ZC3H12B: variants seen among roughly 807,000 people sequenced by gnomAD.
ZC3H12B encodes zinc finger CCCH-type containing 12B.
A neutral mutation model predicts 43.9 loss-of-function variants in ZC3H12B; 7 were observed. The ratio of observed to expected loss-of-function variants is 0.16; its 90% CI spans 0.09 to 0.30. The LOEUF (loss-of-function observed/expected upper bound fraction) is 0.30. Among genes scored for constraint, ZC3H12B ranks in the 10% least tolerant of loss-of-function variants. The pLI is 1.00. For synonymous variants in ZC3H12B, 222 were observed against 241.7 expected, an observed-to-expected ratio of 0.92 and a Z score of 0.76; for missense variants, 475 against 670.2, an observed-to-expected ratio of 0.71 and a Z score of 3.22.
At chrX:65,488,856 G>A (rs2068164378) in exon 1 of ZC3H12B, 1 of 1,208,234 alleles carries the variant, frequency 8.3e-7, no homozygotes. Context: ...TGCCTCCAAG[G>A]AAGAGAAGCA....
chrX:65,335,550 G>T, the ZC3H12B span, among the ~76,000 whole-genome samples: 2 of 111,324 alleles, frequency 1.8e-5, no homozygotes, highest in Admixed American at 9.5e-5. Context: ...CTCAGAGAAG[G>T]GAAAATTCAA....
the ZC3H12B span, among the ~76,000 whole-genome samples, chrX:65,283,688 T>C: frequency 2.7e-5 from 3 of 111,597 alleles, no homozygotes; most frequent in Non-Finnish European, 3.8e-5. Flanking sequence ...TAGCACTAGA[T>C]TCCACACCCT....
At chrX:65,201,997 G>A in the ZC3H12B span, among the ~76,000 whole-genome samples, 5 of 97,110 alleles carry the variant, frequency 5.1e-5, no homozygotes, top group Admixed American at 2.5e-4. Context: ...TAGCCATGCA[G>A]AACTCTGAGT....
In ZC3H12B at chrX:65,489,225, T is replaced by C. The variant is rs977444996; in HGVS notation, c.424T>C (p.Leu142=). 5.8e-6 allele frequency: 7 copies of C among 1,209,705 alleles called. No individual in the cohort carries two copies. The South Asian group carries it at 7.0e-5, about 12-fold the overall frequency. The stretch of plus-strand genomic sequence containing the variant: ...CCCAGAATCACTTATTAATGATGTA[T>C]TGGCAGAGCTTGTCAGACTTGGGAA... The change falls in exon 1 of 5, where the codon TTG becomes CTG. Residue 142 remains leucine (L), a synonymous_variant. Transcript: ENST00000338957.
At chrX:65,502,037 C>T (rs1354915366) in exon 5 of ZC3H12B, 1 of 1,210,799 alleles carries the variant, frequency 8.3e-7, no homozygotes, top group Admixed American at 2.2e-5. Context: ...GGCTATGGAG[C>T]CTGAGGAATG....
At chrX:65,053,708 G>C in the ZC3H12B span, among the ~76,000 whole-genome samples, 4 of 111,507 alleles carry the variant, frequency 3.6e-5, no homozygotes, top group Non-Finnish European at 7.5e-5. Context: ...GGTTGAACTA[G>C]TTTACAGTCC....
chrX:65,049,870 T>C, the ZC3H12B span, among the ~76,000 whole-genome samples: 2 of 111,611 alleles, frequency 1.8e-5, no homozygotes, highest in African/African-American at 3.2e-5. Flanking sequence ...GTTTTGTAGA[T>C]GTAAACTTAG....
intron 3 of ZC3H12B, among the ~76,000 whole-genome samples, chrX:65,460,910 G>A (rs2067733122): frequency 1.8e-5 from 2 of 111,657 alleles, no homozygotes; most frequent in Non-Finnish European, 3.8e-5. Flanking sequence ...GCTACCACCA[G>A]AGTGAACAGG....
At chrX:65,427,051 T>C (rs1193637082) in intron 3 of ZC3H12B, among the ~76,000 whole-genome samples, 1 of 111,779 alleles carries the variant, frequency 8.9e-6, no homozygotes, top group East Asian at 2.8e-4. Flanking sequence ...TCTAATATTG[T>C]CAGTGGGGTG....
At chrX:65,200,163 T>C in the ZC3H12B span, among the ~76,000 whole-genome samples, 2 of 111,427 alleles carry the variant, frequency 1.8e-5, no homozygotes, top group African/African-American at 6.5e-5. Context: ...TGTGAGATGG[T>C]ATCTCATTGT....
intron 3 of ZC3H12B, among the ~76,000 whole-genome samples, chrX:65,441,005 C>A (rs1385333373): frequency 8.9e-6 from 1 of 112,386 alleles, no homozygotes; most frequent in Non-Finnish European, 1.9e-5. Context: ...TTTTTCCTAA[C>A]CTTTGGCAGG....
the ZC3H12B span, among the ~76,000 whole-genome samples, chrX:65,148,535 C>T: frequency 2.7e-5 from 3 of 110,869 alleles, no homozygotes; most frequent in Non-Finnish European, 5.7e-5. Flanking sequence ...ATATGGGTAC[C>T]AGTCTGGAGT....
the ZC3H12B span, among the ~76,000 whole-genome samples, chrX:65,337,743 C>A: frequency 3.6e-5 from 4 of 112,566 alleles, no homozygotes; most frequent in South Asian, 1.5e-3. Context: ...GATAAAAGAT[C>A]TTTTTGAAAA....
the ZC3H12B span, among the ~76,000 whole-genome samples, chrX:65,126,435 G>A: frequency 9.0e-6 from 1 of 110,887 alleles, no homozygotes; most frequent in Non-Finnish European, 1.9e-5. Flanking sequence ...CCTTCATCTT[G>A]ACTTTAGATA....
At chrX:65,215,665 T>C in the ZC3H12B span, among the ~76,000 whole-genome samples, 1 of 111,492 alleles carries the variant, frequency 9.0e-6, no homozygotes. Flanking sequence ...CATCTGCATG[T>C]TCACTGGAGT....
At chrX:65,321,007 G>C in the ZC3H12B span, among the ~76,000 whole-genome samples, 1 of 111,860 alleles carries the variant, frequency 8.9e-6, no homozygotes, top group Non-Finnish European at 1.9e-5. Flanking sequence ...TTATGACAAA[G>C]ATGCAAAAGC....
intron 3 of ZC3H12B, among the ~76,000 whole-genome samples, chrX:65,450,861 A>G (rs2067492930): frequency 2.3e-5 from 2 of 88,786 alleles, no homozygotes; most frequent in Non-Finnish European, 4.3e-5. Flanking sequence ...ACATATGTGT[A>G]TATATGTATA....
intron 3 of ZC3H12B, among the ~76,000 whole-genome samples, chrX:65,479,025 AG>A (rs2068031328): frequency 8.9e-6 from 1 of 112,533 alleles, no homozygotes; most frequent in South Asian, 3.6e-4. Flanking sequence ...CTGAGGAAAA[AG>A]CTGTTCATTA....
intron 2 of ZC3H12B, among the ~76,000 whole-genome samples, chrX:65,383,107 A>G (rs1052008188): frequency 1.3e-4 from 15 of 111,802 alleles, no homozygotes; most frequent in African/African-American, 4.6e-4. Context: ...AATCTACTTT[A>G]AAGTTCATAT....
Sources: allele counts gnomAD v4.1 joint callset (sites outside exome capture counted in the v4.1 genomes callset), GRCh38; gene constraint gnomAD v4.1.1; transcripts MANE v1.5; gene names NCBI Gene and HGNC (gene_info 2026-07-23, HGNC 2026-07-21).